The following INTS1 variants were observed in gnomAD, a reference collection of about 807,000 sequenced individuals.
INTS1 encodes integrator complex subunit 1.
In INTS1, 137 loss-of-function variants were observed where a neutral mutation model predicts 241.6. That is an observed-to-expected ratio of 0.57 (90% CI 0.49 to 0.65). The LOEUF (loss-of-function observed/expected upper bound fraction) is 0.65. INTS1 is among the 30% of genes least tolerant of loss of function. INTS1 has a pLI of 0.00. For missense variants in INTS1, 3,073 were observed against 3,032.2 expected, an observed-to-expected ratio of 1.01 and a Z score of -0.32; for synonymous variants, 1,692 against 1,337.8, an observed-to-expected ratio of 1.26 and a Z score of -5.78.
rs1291471754 is a variant in INTS1 at position 1,476,306 on chromosome 7, G to A, written c.5301C>T (p.Ser1767=). Residue 1767 remains serine, a synonymous_variant, in exon 38 of 48, where the codon AGC becomes AGT. Transcript: ENST00000404767. The part of the protein sequence containing the change: ...LIQARLPLLL[S]CCCGDDESVR... ...CACTCTCATCGTCCCCACAGCAGCA[G>A]CTGAGCAGCAGGGGCAGCCGGGCCT... The A allele has an allele frequency of 1.3e-6, 2 of 1,588,192 alleles. No homozygotes were observed. The highest frequency in any genetic ancestry group is 2.3e-5 in the South Asian group (2 of 86,950).
rs558525241 is a variant in INTS1 at position 1,492,732 on chromosome 7, AC to A, written c.2165+277del. 1.5e-3 allele frequency among the ~76,000 whole-genome samples: 221 copies of A among 152,210 alleles called. 2 individuals carry two copies. Among genetic ancestry groups the A allele is most frequent in the African/African-American group, 5.0e-3 (208 of 41,556 alleles). On this transcript the variant is annotated intron_variant, in intron 16 of 47. Transcript: ENST00000404767. Reference sequence around the variant, plus strand: ...GAAACAGCCCACTCAAACCCAGGTAACGGTTGGACTCGGGCCGAGCCAGTCA... The same window carrying A: ...GAAACAGCCCACTCAAACCCAGGTAAGGTTGGACTCGGGCCGAGCCAGTCA...
At position 1,476,590 on chromosome 7, in the gene INTS1, G is replaced by A. The variant is rs777877367; in HGVS notation, c.5131C>T (p.Arg1711Trp). ...CIHVPRIWQG[R>W]DQRTPQKRRE... Reference sequence around the variant, plus strand: ...CCTGCCTGCGGGGTGCGCTGGTCCCGCCCCTGCCAGATGCGAGGAACATGG... The same window carrying A: ...CCTGCCTGCGGGGTGCGCTGGTCCCACCCCTGCCAGATGCGAGGAACATGG... Residue 1711 changes from arginine (R) to tryptophan (W), a missense_variant, in exon 37 of 48, where the codon CGG becomes TGG. Transcript: ENST00000404767. The A allele has an allele frequency of 1.5e-4, 231 of 1,592,286 alleles. No homozygotes were observed. Among genetic ancestry groups the A allele is most frequent in the East Asian group, 9.3e-5 (4 of 42,946 alleles).
intron 2 of INTS1, 91 bp from the exon 3 acceptor site, chr7:1,503,282 T>G (rs1783287485): frequency 7.3e-7 from 1 of 1,366,070 alleles, no homozygotes; most frequent in Admixed American, 2.4e-5. Context: ...TCAGAGGGGA[T>G]TAAACAAGGG....
chr7:1,483,907 GCCGAGGGTACCCAGCTGGCA>G (rs1405801950), intron 25 of INTS1, 54 bp from the exon 26 acceptor site: 3 of 1,587,298 alleles, frequency 1.9e-6, no homozygotes, highest in Non-Finnish European at 2.6e-6. Context: ...CTGAGCCAGC[GCCGAGGGTACCCAGCTGGCA>G]CCGAGCGTGC....
In INTS1 at chr7:1,497,917, C is replaced by T. The variant is rs927459059; in HGVS notation, c.1425+495G>A. 6.6e-6 allele frequency among the ~76,000 whole-genome samples: 1 copy of T among 152,224 alleles called. No homozygotes were observed. Among genetic ancestry groups the T allele is most frequent in the South Asian group, 2.1e-4 (1 of 4,836 alleles). On this transcript the variant is annotated intron_variant, in intron 10 of 47. Coordinates refer to ENST00000404767, the MANE Select transcript of INTS1 (RefSeq NM_001080453.3). The surrounding 1 kb of genome is among the most constrained non-coding windows in gnomAD (Gnocchi z 5.3). ...CTGCTTAACCGAGGGACCCAATGCA[C>T]AGGAGGCGGGTCTGGGCCAGGCACA...
Position 1,492,913 on chromosome 7 carries a change from C to T in INTS1, c.2165+97G>A, listed in dbSNP as rs796433576. 2.9e-5 allele frequency: 16 copies of T among 550,654 alleles called. No individual in the cohort carries two copies. The African/African-American group carries it at 3.0e-4, about 10-fold the overall frequency. The allele number at this position is 550,654 out of a possible 1,614,324, so 34.1% of individuals were successfully genotyped here. ...GGAGCGGGGCGCAGGCTTACCCGGG[C>T]GGGAGTGGGGAGCGGGGCGCGGGCT... On this transcript the variant is annotated intron_variant, in intron 16 of 47. Transcript: ENST00000404767.
At chr7:1,477,526 G>A (rs185301538) in intron 35 of INTS1, 24 bp downstream of exon 35, 251 of 1,488,832 alleles carry the variant, frequency 1.7e-4, no homozygotes, top group African/African-American at 1.5e-3. Flanking sequence ...GTGGGTCCCC[G>A]TGCTGAAGCT....
Position 1,499,619 on chromosome 7 carries a change from T to C in INTS1, c.698A>G (p.Asp233Gly), listed in dbSNP as rs375139297. 5 of 1,608,854 alleles carry C rather than the reference T, an allele frequency of 3.1e-6. No individual in the cohort carries two copies. In the African/African-American group the frequency reaches 6.7e-5, roughly 22 times the overall value. Residue 233 changes from aspartate to glycine, a missense_variant, in exon 6 of 48, where the codon GAC (aspartate) becomes GGC (glycine). By Grantham distance (94) the Asp-to-Gly change is moderately conservative (BLOSUM62 -1). Transcript: ENST00000404767. ...CACCCAGATCCGCTCCCCCAGGGAG[T>C]CCTCGATGTACACCTGTGTGGCAGC... ...PEIFVKVYIEDSLGERIWVDS... is the reference protein window; with the variant it reads ...PEIFVKVYIEGSLGERIWVDS...
In INTS1 at chr7:1,475,984, C is replaced by A. The variant is rs949066189; in HGVS notation, c.5466G>T (p.Leu1822=). The A allele has an allele frequency of 9.7e-6, 15 of 1,545,012 alleles. No individual in the cohort carries two copies. The highest frequency in any genetic ancestry group is 5.9e-5 in the Admixed American group (3 of 50,986). The change falls in exon 39 of 48, where the codon CTG becomes CTT. Residue 1822 remains leucine (L), a synonymous_variant. Transcript: ENST00000404767. ...ELRVPVPEVL[L]HSEGAASSSV... The stretch of plus-strand genomic sequence containing the variant: ...TGCTGCTGGCAGCCCCTTCGCTGTG[C>A]AGTAGGACCTCAGGCACGGGCACCC...
Position 1,499,948 on chromosome 7 carries a change from A to C in INTS1, c.620T>G (p.Leu207Arg), listed in dbSNP as rs1783076717. ...KAKGNSLVSV[L>R]ACNLLMAAYE... is the part of the protein sequence containing the mutation. ...GGCGGCCATGAGGAGGTTACAGGCC[A>C]GCACAGACACCAGGCTGTTCCCCTT... The change falls in exon 5 of 48, where the codon CTG (leucine) becomes CGG (arginine). Residue 207 changes from leucine (L) to arginine (R), a missense_variant. Leu to Arg is a moderately radical substitution (Grantham distance 102). Transcript: ENST00000404767. The C allele has an allele frequency of 6.2e-7, 1 of 1,613,616 alleles. No homozygotes were observed.
intron 27 of INTS1, 63 bp downstream of exon 27, chr7:1,482,483 G>A (rs1430892648): frequency 2.0e-6 from 3 of 1,511,172 alleles, no homozygotes. Flanking sequence ...CCCACAAGGA[G>A]CAGGCAAGGG....
Position 1,497,042 on chromosome 7 carries a change from G to A in INTS1, c.1602+96C>T, listed in dbSNP as rs190834356. Reference sequence around the variant, plus strand: ...GTACCCACGCTCAGCCAGAGCATCCGAAGGGGTGGAGTGTGCATGGGACCC... The same window carrying A: ...GTACCCACGCTCAGCCAGAGCATCCAAAGGGGTGGAGTGTGCATGGGACCC... On this transcript the variant is annotated intron_variant, in intron 11 of 47. Coordinates refer to ENST00000404767, the MANE Select transcript of INTS1 (RefSeq NM_001080453.3). This position sits in a 1 kb window ranked among gnomAD's most constrained non-coding sequence, Gnocchi z 5.3. The A allele has an allele frequency of 3.0e-5, 38 of 1,261,870 alleles. No individual in the cohort carries two copies. Among genetic ancestry groups the A allele is most frequent in the Admixed American group, 7.8e-5 (3 of 38,322 alleles). 78.2% of individuals were successfully genotyped at this position (1,261,870 alleles called of 1,614,324 possible).
At position 1,497,820 on chromosome 7, in the gene INTS1, G is replaced by C. The variant is rs889516688; in HGVS notation, c.1426-506C>G. ...AGGCCTAATGCGCTGGTGGCGATGGGAGCATCTCCCGAGCCCGCTTCAAAG... is the reference window on the plus strand; with the variant it reads ...AGGCCTAATGCGCTGGTGGCGATGGCAGCATCTCCCGAGCCCGCTTCAAAG... On this transcript the variant is annotated intron_variant, in intron 10 of 47. Coordinates refer to ENST00000404767, the MANE Select transcript of INTS1 (RefSeq NM_001080453.3). This position sits in a 1 kb window ranked among gnomAD's most constrained non-coding sequence, Gnocchi z 5.3. Among the ~76,000 whole-genome samples the C allele has an allele frequency of 6.6e-6, 1 of 152,254 alleles. No individual in the cohort carries two copies. Among genetic ancestry groups the C allele is most frequent in the Non-Finnish European group, 1.5e-5 (1 of 68,048 alleles).
At chr7:1,499,668 C>G (rs1486118960) in intron 5 of INTS1, 36 bp from the exon 6 acceptor site, 1 of 1,564,960 alleles carries the variant, frequency 6.4e-7, no homozygotes, top group South Asian at 1.2e-5. Context: ...CCGAGCCCAG[C>G]CGGGCAGCAG....
rs768742250 is a variant in INTS1 at position 1,494,800 on chromosome 7, G to T, written c.1910+16C>A. The T allele has an allele frequency of 1.3e-6, 2 of 1,554,386 alleles. No homozygotes were observed. Among genetic ancestry groups the T allele is most frequent in the Non-Finnish European group, 8.7e-7 (1 of 1,150,284 alleles). On this transcript the variant is annotated intron_variant, in intron 14 of 47. Transcript: ENST00000404767. Reference sequence around the variant, plus strand: ...CCAGCCCGGCACACAGGAGCCCCAGGCGGCAGCGCACTCACTTGCGGTCAC... The same window carrying T: ...CCAGCCCGGCACACAGGAGCCCCAGTCGGCAGCGCACTCACTTGCGGTCAC...
In INTS1 at chr7:1,474,149, G is replaced by A. The variant is rs771660025; in HGVS notation, c.5829+19C>T. On this transcript the variant is annotated intron_variant, in intron 41 of 47. Coordinates refer to ENST00000404767, the MANE Select transcript of INTS1 (RefSeq NM_001080453.3). The stretch of plus-strand genomic sequence containing the variant: ...AGGGAGTGGAAGGGAGCGCGAGGGC[G>A]GGCGGCGGGAGCACACACCAGCAGC... 1.4e-5 allele frequency: 22 copies of A among 1,541,186 alleles called. No homozygotes were observed. The highest frequency in any genetic ancestry group is 6.9e-5 in the East Asian group (3 of 43,354).
intron 47 of INTS1, 76 bp from the exon 48 acceptor site, chr7:1,470,768 C>A: frequency 6.8e-7 from 1 of 1,473,822 alleles, no homozygotes; most frequent in Non-Finnish European, 9.1e-7. Context: ...TCGGGACTCC[C>A]AAGAGCCAGC....
chr7:1,480,257 G>A (rs1163916366), intron 30 of INTS1, 60 bp downstream of exon 30: 50 of 1,540,626 alleles, frequency 3.2e-5, no homozygotes, highest in Non-Finnish European at 4.0e-5. Context: ...AGGCGGCAGC[G>A]AAGGCTGCAC....
intron 18 of INTS1, 62 bp from the exon 19 acceptor site, chr7:1,488,019 C>T: frequency 1.3e-6 from 2 of 1,561,670 alleles, no homozygotes; most frequent in Non-Finnish European, 8.8e-7. Flanking sequence ...CCCAGTGGGC[C>T]ACGCTCAGGG....
Sources: gnomAD v4.1 joint callset for allele counts (sites outside exome capture counted in the v4.1 genomes callset) on GRCh38, gnomAD v4.1.1 for gene constraint, Gnocchi (gnomAD v3.1) non-coding constraint, MANE v1.5 for transcripts, NCBI Gene and HGNC (gene_info 2026-07-23, HGNC 2026-07-21) for gene names.